The following SMYD3 variants were observed in gnomAD, a reference collection of about 807,000 sequenced individuals.
SMYD3 encodes histone-lysine N-methyltransferase SMYD3.
A neutral mutation model predicts 57.7 loss-of-function variants in SMYD3; 36 were observed. That is an observed-to-expected ratio of 0.62 (90% CI 0.48 to 0.82). The LOEUF (loss-of-function observed/expected upper bound fraction) is 0.82, where lower values mean the gene tolerates loss of function less well. Among genes scored for constraint, SMYD3 ranks in the 40% least tolerant of loss-of-function variants. SMYD3 has a pLI of 0.00. For missense variants in SMYD3, 515 were observed against 538.8 expected (o/e 0.96, Z 0.44); for synonymous variants, 211 against 195.0 (o/e 1.08, Z -0.68).
chr1:246,502,590 CTTTG>C lies in SMYD3; in HGVS notation c.164+4460_164+4463del, dbSNP rs562329792. 5.3e-5 allele frequency among the ~76,000 whole-genome samples: 8 copies of C among 152,292 alleles called. No individual in the cohort carries two copies. The South Asian group carries it at 1.7e-3, about 32-fold the overall frequency. ...CAATCTCTTCCAGTTAATACTCAGA[CTTTG>C]TTTAACTCCTTACCCGGGCTGGTTT... On this transcript the variant is annotated intron_variant, in intron 1 of 11. Coordinates refer to ENST00000490107, the MANE Select transcript of SMYD3 (RefSeq NM_001167740.2).
chr1:246,407,670 C>T (rs1449243310), intron 1 of SMYD3, among the ~76,000 whole-genome samples: 2 of 151,812 alleles, frequency 1.3e-5, no homozygotes, highest in Non-Finnish European at 1.5e-5. Context: ...GGTGAAACCT[C>T]GTCTCTACTA....
chr1:246,208,218 C>T (rs1490304438), intron 5 of SMYD3, among the ~76,000 whole-genome samples: 1 of 152,108 alleles, frequency 6.6e-6, no homozygotes, highest in African/African-American at 2.4e-5. Context: ...CAAGAGCCAT[C>T]ATAATGCCAG....
At chr1:246,292,106 AAGCATCTTAGACTTACTATCCAACACACC>A (rs2064704098) in intron 5 of SMYD3, among the ~76,000 whole-genome samples, 13 of 79,250 alleles carry the variant, frequency 1.6e-4, no homozygotes, top group African/African-American at 4.9e-4. Context: ...TCCAACACAC[AAGCATCTTAGACTTACTATCCAACACACC>A]AGCATCTTAG....
chr1:245,787,530 T>C (rs553304172), intron 10 of SMYD3, among the ~76,000 whole-genome samples: 11 of 152,202 alleles, frequency 7.2e-5, no homozygotes, highest in African/African-American at 2.6e-4. Flanking sequence ...GCCTCACAAA[T>C]GCTGCCTTCT....
intron 5 of SMYD3, among the ~76,000 whole-genome samples, chr1:246,213,478 G>C (rs1038580934): frequency 8.5e-5 from 13 of 152,144 alleles, no homozygotes; most frequent in Admixed American, 7.2e-4. Context: ...ATAGGAGAAA[G>C]GCACCCATTG....
chr1:245,869,536 A>C (rs1454649660), intron 8 of SMYD3, among the ~76,000 whole-genome samples: 2 of 152,196 alleles, frequency 1.3e-5, no homozygotes, highest in Non-Finnish European at 2.9e-5. Context: ...GAAGTCCTTC[A>C]AAAGCCTGTC....
intron 5 of SMYD3, among the ~76,000 whole-genome samples, chr1:246,161,702 A>C (rs957494013): frequency 6.6e-6 from 1 of 152,246 alleles, no homozygotes; most frequent in Non-Finnish European, 1.5e-5. Context: ...GTTCTTCTAA[A>C]ATGTAAAAAG....
intron 5 of SMYD3, among the ~76,000 whole-genome samples, chr1:246,273,259 C>A (rs183518657): frequency 3.3e-4 from 49 of 150,266 alleles, no homozygotes; most frequent in Admixed American, 3.2e-3. Context: ...AAGTGATTCT[C>A]CTGCCTCGGC....
chr1:246,316,694 T>C (rs1363864032), intron 5 of SMYD3, among the ~76,000 whole-genome samples: 2 of 146,728 alleles, frequency 1.4e-5, no homozygotes, highest in Non-Finnish European at 3.0e-5. Flanking sequence ...ACCCTGTCTT[T>C]TAAAAAATTA....
At chr1:245,966,265 A>G (rs1436418075) in intron 5 of SMYD3, among the ~76,000 whole-genome samples, 1 of 151,994 alleles carries the variant, frequency 6.6e-6, no homozygotes, top group Non-Finnish European at 1.5e-5. Flanking sequence ...TCGAATTCCT[A>G]GGCTCAAGCA....
intron 10 of SMYD3, among the ~76,000 whole-genome samples, chr1:245,790,321 G>A (rs187939072): frequency 5.3e-5 from 8 of 152,338 alleles, no homozygotes; most frequent in Middle Eastern, 3.4e-3. Context: ...GAGAGCTGCA[G>A]TGAGGAATGA....
chr1:245,947,932 C>T (rs1398622518), intron 5 of SMYD3, among the ~76,000 whole-genome samples: 1 of 152,190 alleles, frequency 6.6e-6, no homozygotes, highest in Non-Finnish European at 1.5e-5. Context: ...CTTTACTTGG[C>T]CAAACTCAGA....
At chr1:246,006,845 A>G (rs1257234152) in intron 5 of SMYD3, among the ~76,000 whole-genome samples, 1 of 152,196 alleles carries the variant, frequency 6.6e-6, no homozygotes, top group African/African-American at 2.4e-5. Context: ...AAGACTCCAT[A>G]ACAAACAAGA....
At chr1:245,936,965 T>C (rs778857072) in intron 5 of SMYD3, among the ~76,000 whole-genome samples, 32 of 152,240 alleles carry the variant, frequency 2.1e-4, no homozygotes, top group Non-Finnish European at 4.0e-4. Flanking sequence ...TTATATGCTA[T>C]GATTATTAAA....
At chr1:245,865,206 A>T (rs1012036960) in intron 8 of SMYD3, among the ~76,000 whole-genome samples, 1 of 152,178 alleles carries the variant, frequency 6.6e-6, no homozygotes, top group Non-Finnish European at 1.5e-5. Context: ...CTATGTATGT[A>T]AGTATCTTCA....
intron 1 of SMYD3, among the ~76,000 whole-genome samples, chr1:246,463,203 G>A (rs932945887): frequency 1.3e-5 from 2 of 152,114 alleles, no homozygotes; most frequent in Non-Finnish European, 2.9e-5. Context: ...GACGAATCAG[G>A]AGACTAAGAT....
At chr1:246,199,961 A>G (rs2062884847) in intron 5 of SMYD3, among the ~76,000 whole-genome samples, 1 of 151,952 alleles carries the variant, frequency 6.6e-6, no homozygotes, top group Admixed American at 6.6e-5. Flanking sequence ...ATAGAGGAGA[A>G]CAGCGTAGAC....
intron 1 of SMYD3, among the ~76,000 whole-genome samples, chr1:246,480,615 T>TA (rs1362200713): frequency 6.6e-6 from 1 of 152,176 alleles, no homozygotes; most frequent in African/African-American, 2.4e-5. Context: ...CGGTGGCTCT[T>TA]ACGTCTGCTC....
chr1:246,325,404 G>C (rs1053262860), intron 5 of SMYD3, among the ~76,000 whole-genome samples: 5 of 152,098 alleles, frequency 3.3e-5, no homozygotes, highest in Admixed American at 3.3e-4. Flanking sequence ...GAAGCCATAG[G>C]TTATTGGCTG....
Sources: allele counts gnomAD v4.1 joint callset (sites outside exome capture counted in the v4.1 genomes callset), GRCh38; gene constraint gnomAD v4.1.1; transcripts MANE v1.5; gene names NCBI Gene and HGNC (gene_info 2026-07-23, HGNC 2026-07-21).